PML: variants seen among roughly 807,000 people sequenced by gnomAD.
PML encodes the protein protein PML.
PML carries 28 observed loss-of-function variants against 65.2 expected under a neutral mutation model. That is an observed-to-expected ratio of 0.43 (90% CI 0.32 to 0.59). The LOEUF is 0.59. PML is among the 20% of genes least tolerant of loss of function. The pLI is 0.08. For missense variants in PML, 1,021 were observed against 1,203.4 expected (o/e 0.85, Z 2.24); for synonymous variants, 500 against 508.8 (o/e 0.98, Z 0.23).
Position 74,024,913 on chromosome 15 carries a change from A to G in PML, c.1240A>G (p.Ile414Val), listed in dbSNP as rs2071005310. ...PEAASTPRDP[I>V]DVDLPEEAER... ...GGCTGCCAGCACTCCCAGGGACCCTATTGACGTTGACCTGGTGAGATGGGT... is the reference window on the plus strand; with the variant it reads ...GGCTGCCAGCACTCCCAGGGACCCTGTTGACGTTGACCTGGTGAGATGGGT... The change falls in exon 4 of 9, where the codon ATT becomes GTT. Residue 414 changes from isoleucine to valine, a missense_variant. Physicochemically the swap from Ile to Val is conservative, Grantham distance 29 (BLOSUM62 3). Transcript: ENST00000268058. The G allele has an allele frequency of 1.9e-6, 3 of 1,612,808 alleles. No homozygotes were observed. Among genetic ancestry groups the G allele is most frequent in the African/African-American group, 1.3e-5 (1 of 75,004 alleles).
chr15:74,038,320 A>T (rs149160792), intron 7 of PML, among the ~76,000 whole-genome samples: 3 of 152,104 alleles, frequency 2.0e-5, no homozygotes, highest in African/African-American at 7.2e-5. Flanking sequence ...ATGCTCAGCT[A>T]TCAGCAAGGA....
chr15:73,998,759 G>C (rs890774423), intron 2 of PML, among the ~76,000 whole-genome samples: 2 of 152,160 alleles, frequency 1.3e-5, no homozygotes, highest in Non-Finnish European at 2.9e-5. Context: ...TAAATTTTTA[G>C]AAGTGCCACT....
At chr15:74,000,132 T>A (rs2069693816) in intron 2 of PML, among the ~76,000 whole-genome samples, 1 of 152,030 alleles carries the variant, frequency 6.6e-6, no homozygotes, top group Admixed American at 6.6e-5. Context: ...TGCCCAGCCT[T>A]ATACTAATTT....
intron 2 of PML, among the ~76,000 whole-genome samples, chr15:74,002,780 T>C (rs568619163): frequency 6.6e-6 from 1 of 152,224 alleles, no homozygotes; most frequent in Admixed American, 6.5e-5. Flanking sequence ...CCTTCCATTC[T>C]GTTTCACCAG....
At chr15:74,005,115 C>T (rs1359794077) in intron 2 of PML, among the ~76,000 whole-genome samples, 3 of 151,914 alleles carry the variant, frequency 2.0e-5, no homozygotes, top group East Asian at 1.9e-4. Flanking sequence ...TGCAATGGCA[C>T]GATCTCGGCT....
chr15:74,044,996 C>T lies in PML; in HGVS notation c.2637C>T (p.Ser879=). 1 of 1,603,268 alleles carries T rather than the reference C, an allele frequency of 6.2e-7. No homozygotes were observed. The highest frequency in any genetic ancestry group is 8.5e-7 in the Non-Finnish European group (1 of 1,177,160). Reference sequence around the variant, plus strand: ...GCCGTGGCTTGGCAGAGAGGGCCTCCCAGCAGAGCTGAGAGGAGGGGGTGA... The same window carrying T: ...GCCGTGGCTTGGCAGAGAGGGCCTCTCAGCAGAGCTGAGAGGAGGGGGTGA... The part of the protein sequence containing the change: ...LAGRGLAERA[S]QQS The change falls in exon 9 of 9, where the codon TCC becomes TCT. Residue 879 remains serine, a synonymous_variant. Transcript: ENST00000268058.
chr15:74,033,436 TG>T (rs1448173175), intron 6 of PML, 22 bp downstream of exon 6: 1 of 1,611,426 alleles, frequency 6.2e-7, no homozygotes, highest in Non-Finnish European at 8.5e-7. Context: ...GGTAGGGCAG[TG>T]GCCTGGGTGC....
At chr15:74,036,397 C>T (rs1445273162) in intron 7 of PML, 1 of 1,344,772 alleles carries the variant, frequency 7.4e-7, no homozygotes, top group Admixed American at 3.1e-5. Flanking sequence ...AACCATCACC[C>T]TTGCGAACCC....
At chr15:73,995,426 C>T (rs2069434129) in intron 1 of PML, among the ~76,000 whole-genome samples, 1 of 152,180 alleles carries the variant, frequency 6.6e-6, no homozygotes, top group South Asian at 2.1e-4. Flanking sequence ...GCCAAGGCCT[C>T]CCAGCTCATG....
At chr15:73,996,461 T>C (rs764866706) in intron 1 of PML, among the ~76,000 whole-genome samples, 5 of 152,220 alleles carry the variant, frequency 3.3e-5, no homozygotes, top group Non-Finnish European at 7.3e-5. Flanking sequence ...TTCTGGGTGA[T>C]GGTGATAACA....
intron 1 of PML, among the ~76,000 whole-genome samples, chr15:73,995,915 G>A (rs2069472902): frequency 6.6e-6 from 1 of 151,894 alleles, no homozygotes; most frequent in South Asian, 2.1e-4. Context: ...CACCATACCT[G>A]GCTATTTTTT....
rs139917470 is a variant in PML, at chr15:74,023,169, G to A, written c.944G>A (p.Arg315Gln). 2 of 1,605,596 alleles carry A rather than the reference G, an allele frequency of 1.2e-6. No individual in the cohort carries two copies. The highest frequency in any genetic ancestry group is 2.7e-5 in the African/African-American group (2 of 74,810). ...CGCGACTACGAGGAGATGGCCAGTC[G>A]GCTGGGCCGCCTGGATGCTGTGCTG... is the stretch of plus-strand genomic sequence containing the variant. The part of the protein sequence containing the change: ...YQRDYEEMAS[R>Q]LGRLDAVLQR... The change falls in exon 3 of 9, where the codon CGG (arginine) becomes CAG (glutamine). Residue 315 changes from arginine to glutamine, a missense_variant. Arg to Gln is a conservative substitution (Grantham distance 43, BLOSUM62 1). Transcript: ENST00000268058.
intron 2 of PML, among the ~76,000 whole-genome samples, chr15:74,002,444 CTTTTTTTTTT>C (rs71137368): frequency 9.5e-6 from 1 of 104,750 alleles, no homozygotes; most frequent in African/African-American, 3.7e-5. Context: ...TCTTTCTTTT[CTTTTTTTTTT>C]TTTTTTTTTG....
In PML at chr15:74,045,221, G is replaced by A; in HGVS notation, c.*213G>A. 1 of 577,518 alleles carries A rather than the reference G, an allele frequency of 1.7e-6. No individual in the cohort carries two copies. Among genetic ancestry groups the A allele is most frequent in the East Asian group, 2.9e-5 (1 of 34,960 alleles). 35.8% of individuals were successfully genotyped at this position (577,518 alleles called of 1,614,324 possible). On this transcript the variant is annotated 3_prime_UTR_variant, in exon 9 of 9. Transcript: ENST00000268058. ...AAGCTGAGCACCCATCACCCTAGGT[G>A]TGCACCAGACTCCTATTAGCCCCTC...
Position 74,032,552 on chromosome 15 carries a change from C to G in PML, c.1255-20C>G, listed in dbSNP as rs950465121. The stretch of plus-strand genomic sequence containing the variant: ...GGCTGCTGCCTAGTCATTTCTGACT[C>G]AATTTTCCCAACTTTGCAGCCCGAG... On this transcript the variant is annotated intron_variant, in intron 4 of 8. Transcript: ENST00000268058. 6.2e-7 allele frequency: 1 copy of G among 1,613,830 alleles called. No individual in the cohort carries two copies. Among genetic ancestry groups the G allele is most frequent in the African/African-American group, 1.3e-5 (1 of 74,886 alleles).
chr15:73,998,534 G>C, intron 2 of PML, 58 bp downstream of exon 2: 1 of 1,435,786 alleles, frequency 7.0e-7, no homozygotes, highest in Non-Finnish European at 9.7e-7. Context: ...GAGGGCGAGA[G>C]GAGCAAAGAT....
chr15:74,041,370 C>T (rs781254013), intron 7 of PML: 11 of 152,286 alleles, frequency 7.2e-5, no homozygotes, highest in Non-Finnish European at 1.5e-4. Context: ...GCTAGGAAGA[C>T]GCCTTGTAGA....
chr15:73,994,829 C>T lies in PML; in HGVS notation c.17C>T (p.Ala6Val). 6.4e-7 allele frequency: 1 copy of T among 1,557,532 alleles called. No individual in the cohort carries two copies. Among genetic ancestry groups the T allele is most frequent in the Non-Finnish European group, 8.7e-7 (1 of 1,150,440 alleles). ...CTGGGGTCCATGGAGCCTGCACCCG[C>T]CCGATCTCCGAGGCCCCAGCAGGAC... MEPAP[A>V]RSPRPQQDPA... Residue 6 changes from alanine (A) to valine (V), a missense_variant, in exon 1 of 9, where the codon GCC becomes GTC. Ala to Val is a moderately conservative substitution (Grantham distance 64). Coordinates refer to ENST00000268058, the MANE Select transcript of PML (RefSeq NM_033238.3).
At chr15:74,031,576 A>G (rs2071325911) in intron 4 of PML, among the ~76,000 whole-genome samples, 1 of 152,170 alleles carries the variant, frequency 6.6e-6, no homozygotes, top group Admixed American at 6.5e-5. Context: ...GTTGATGCAC[A>G]TTTAGTTTGT....
Sources: gnomAD v4.1 joint callset for allele counts (sites outside exome capture counted in the v4.1 genomes callset) on GRCh38, gnomAD v4.1.1 for gene constraint, MANE v1.5 for transcripts, NCBI Gene and HGNC (gene_info 2026-07-23, HGNC 2026-07-21) for gene names.